Variants in ERMP1 observed in about 807,000 individuals in gnomAD.
The protein encoded by ERMP1 is endoplasmic reticulum metallopeptidase 1, also known as Felix-ina.
In ERMP1, 86 loss-of-function variants were observed where a neutral mutation model predicts 92.0. That is an observed-to-expected ratio of 0.93 (90% CI 0.79 to 1.12). ERMP1 has a LOEUF of 1.12. ERMP1 is among the 50% of genes most tolerant of loss of function. The pLI is 0.00. For missense variants in ERMP1, 1,342 were observed against 1,116.3 expected, an observed-to-expected ratio of 1.20 and a Z score of -2.88; for synonymous variants, 530 against 412.8, an observed-to-expected ratio of 1.28 and a Z score of -3.44.
At chr9:5,843,490 C>T (rs549872006) in intron 6 of ERMP1, among the ~76,000 whole-genome samples, 7 of 152,136 alleles carry the variant, frequency 4.6e-5, no homozygotes, top group Non-Finnish European at 7.3e-5. Flanking sequence ...TAAAATATTT[C>T]CCTGAGTGGG....
Position 5,811,232 on chromosome 9 carries a change from A to G in ERMP1, c.1206T>C (p.Phe402=), listed in dbSNP as rs545258195. The change falls in exon 7 of 15, where the codon TTT becomes TTC. Residue 402 remains phenylalanine (F), a synonymous_variant. Transcript: ENST00000339450. The part of the protein sequence containing the change: ...SKYRHGNMVF[F]DVLGLFVIAY... ...CAATGACAAACAGGCCCAGCACATC[A>G]AAGAAGACCATGTTTCCATGTCGAT... 2 of 1,613,992 alleles carry G rather than the reference A, an allele frequency of 1.2e-6. No homozygotes were observed. Among genetic ancestry groups the G allele is most frequent in the Non-Finnish European group, 1.7e-6 (2 of 1,179,992 alleles).
chr9:5,844,259 T>G (rs1006295557), intron 6 of ERMP1, among the ~76,000 whole-genome samples: 6 of 151,894 alleles, frequency 4.0e-5, no homozygotes, highest in African/African-American at 1.5e-4. Context: ...AGAGAAGATT[T>G]TGTGTTTTTT....
At chr9:5,791,008 A>C (rs1828168804) in intron 13 of ERMP1, among the ~76,000 whole-genome samples, 1 of 152,238 alleles carries the variant, frequency 6.6e-6, no homozygotes, top group Non-Finnish European at 1.5e-5. Context: ...AAAGTAGGCA[A>C]GGGGAAAAGT....
At chr9:5,800,962 T>A (rs1325551433) in intron 11 of ERMP1, among the ~76,000 whole-genome samples, 1 of 152,238 alleles carries the variant, frequency 6.6e-6, no homozygotes, top group African/African-American at 2.4e-5. Context: ...CAAGCAAACA[T>A]TTCCAATTCA....
At chr9:5,863,911 T>A (rs754652813) in intron 5 of ERMP1, among the ~76,000 whole-genome samples, 5 of 152,240 alleles carry the variant, frequency 3.3e-5, no homozygotes, top group Non-Finnish European at 7.3e-5. Flanking sequence ...GACTGAATAA[T>A]AGTTCAGTAG....
chr9:5,842,924 A>C (rs906577022), intron 6 of ERMP1, among the ~76,000 whole-genome samples: 1 of 152,268 alleles, frequency 6.6e-6, no homozygotes, highest in African/African-American at 2.4e-5. Context: ...TTTCCCTCTC[A>C]GATTCCTTCA....
At chr9:5,808,565 T>C (rs10815284) in intron 8 of ERMP1, among the ~76,000 whole-genome samples, 49,616 of 152,078 alleles carry the variant, frequency 0.33, 9,759 homozygotes, top group East Asian at 0.75. Flanking sequence ...TGGAAGGATG[T>C]TGGGTTAAAA....
intron 4 of ERMP1, among the ~76,000 whole-genome samples, chr9:5,813,538 A>G (rs1829188631): frequency 6.6e-6 from 1 of 152,154 alleles, no homozygotes; most frequent in Admixed American, 6.5e-5. Context: ...TATCTGCATT[A>G]TACTAGTAAG....
At chr9:5,788,760 A>G (rs1285822228) in intron 13 of ERMP1, among the ~76,000 whole-genome samples, 1 of 152,200 alleles carries the variant, frequency 6.6e-6, no homozygotes, top group Non-Finnish European at 1.5e-5. Context: ...TCCAACTACA[A>G]ATATATCCAT....
At chr9:5,827,766 G>C (rs900619217) in intron 2 of ERMP1, among the ~76,000 whole-genome samples, 1 of 151,982 alleles carries the variant, frequency 6.6e-6, no homozygotes, top group African/African-American at 2.4e-5. Flanking sequence ...GCAGTGAGCA[G>C]AGATAGCGCC....
upstream of ERMP1, among the ~76,000 whole-genome samples, chr9:5,834,977 ATGTGTGTGTGTG>A (rs71326191): frequency 5.1e-3 from 639 of 125,198 alleles, 8 homozygotes; most frequent in East Asian, 0.017. Flanking sequence ...GGATAGATAG[ATGTGTGTGTGTG>A]TGTGTGTGTG....
intron 4 of ERMP1, among the ~76,000 whole-genome samples, chr9:5,816,657 T>A (rs1256568153): frequency 1.3e-5 from 2 of 152,114 alleles, no homozygotes; most frequent in Admixed American, 6.5e-5. Flanking sequence ...CAAAAGACAT[T>A]TACGAGAATG....
At chr9:5,812,729 T>A in intron 5 of ERMP1, 160 bp downstream of exon 5, 1 of 802,146 alleles carries the variant, frequency 1.2e-6, no homozygotes, top group East Asian at 2.7e-5. Context: ...AGTATGGAGT[T>A]TAAAAAAGGA....
intron 10 of ERMP1, among the ~76,000 whole-genome samples, chr9:5,801,554 T>C (rs1002915170): frequency 6.6e-6 from 1 of 152,172 alleles, no homozygotes; most frequent in African/African-American, 2.4e-5. Context: ...TCTGCCATGA[T>C]GGTGCCACCT....
intron 10 of ERMP1, among the ~76,000 whole-genome samples, chr9:5,802,448 G>A (rs890024745): frequency 7.2e-5 from 11 of 152,208 alleles, no homozygotes; most frequent in Admixed American, 3.3e-4. Flanking sequence ...GCAGAGGCAC[G>A]ATCTCAGCTC....
chr9:5,841,386 T>C (rs114655406), intron 6 of ERMP1, among the ~76,000 whole-genome samples: 2,700 of 152,296 alleles, frequency 0.018, 94 homozygotes, highest in African/African-American at 0.062. Flanking sequence ...TCATTTAAAA[T>C]ATCCAGAATA....
At chr9:5,831,060 G>A (rs1326618629) in intron 1 of ERMP1, 32 bp from the exon 2 acceptor site, 6 of 1,576,204 alleles carry the variant, frequency 3.8e-6, no homozygotes, top group Non-Finnish European at 2.6e-6. Context: ...ACAAAGGTTT[G>A]TAGTTAAAAT....
intron 13 of ERMP1, among the ~76,000 whole-genome samples, chr9:5,789,243 GA>G (rs532096862): frequency 2.1e-4 from 30 of 145,344 alleles, no homozygotes; most frequent in Non-Finnish European, 3.5e-4. Flanking sequence ...AGATTTCAAA[GA>G]AAAAAAAAAT....
At chr9:5,809,270 T>C (rs2131234556) in intron 8 of ERMP1, among the ~76,000 whole-genome samples, 1 of 151,162 alleles carries the variant, frequency 6.6e-6, no homozygotes, top group South Asian at 2.1e-4. Flanking sequence ...TCCGCCCACC[T>C]CAGCCTCCCA....
Sources: allele counts gnomAD v4.1 joint callset (sites outside exome capture counted in the v4.1 genomes callset), GRCh38; gene constraint gnomAD v4.1.1; transcripts MANE v1.5; gene names NCBI Gene and HGNC (gene_info 2026-07-23, HGNC 2026-07-21).